Variants in C12orf50 observed in about 807,000 individuals in gnomAD.
The protein encoded by C12orf50 is zinc finger CCCH-type containing 11D, also known as uncharacterized protein C12orf50.
In C12orf50, 35 loss-of-function variants were observed where a neutral mutation model predicts 61.6. That is an observed-to-expected ratio of 0.57 (90% CI 0.43 to 0.75). C12orf50 has a LOEUF of 0.75. Among genes scored for constraint, C12orf50 ranks in the 30% least tolerant of loss-of-function variants. The pLI is 0.00. For missense variants in C12orf50, 475 were observed against 488.5 expected, an observed-to-expected ratio of 0.97 and a Z score of 0.26; for synonymous variants, 178 against 161.5, an observed-to-expected ratio of 1.10 and a Z score of -0.77.
intron 3 of C12orf50, among the ~76,000 whole-genome samples, chr12:88,002,942 A>C (rs1411654250): frequency 6.6e-6 from 1 of 151,800 alleles, no homozygotes; most frequent in African/African-American, 2.4e-5. Flanking sequence ...ATAAGAGGTT[A>C]CTCCTATATA....
At chr12:87,994,937 ATATTCTCC>A (rs1445081767) in intron 6 of C12orf50, among the ~76,000 whole-genome samples, 194 bp from the exon 7 acceptor site, 1 of 152,228 alleles carries the variant, frequency 6.6e-6, no homozygotes, top group African/African-American at 2.4e-5. Flanking sequence ...GTAAGCAAGT[ATATTCTCC>A]TATTTGGATT....
intron 3 of C12orf50, among the ~76,000 whole-genome samples, chr12:88,004,082 T>C (rs1385543602): frequency 6.6e-6 from 1 of 152,132 alleles, no homozygotes; most frequent in Non-Finnish European, 1.5e-5. Flanking sequence ...ATATTGTGTG[T>C]TCAACTCCAA....
At chr12:88,017,260 G>T (rs1214393785) in intron 3 of C12orf50, among the ~76,000 whole-genome samples, 2 of 151,948 alleles carry the variant, frequency 1.3e-5, no homozygotes, top group Non-Finnish European at 2.9e-5. Flanking sequence ...TCTCATGATA[G>T]TGAATAAGTC....
At chr12:88,011,563 A>G (rs564169400) in intron 3 of C12orf50, among the ~76,000 whole-genome samples, 36 of 152,342 alleles carry the variant, frequency 2.4e-4, no homozygotes, top group South Asian at 1.4e-3. Flanking sequence ...TACTATTACT[A>G]TCTCTACCAT....
chr12:87,987,744 A>C (rs1385717571), intron 9 of C12orf50, 106 bp downstream of exon 9: 1 of 760,198 alleles, frequency 1.3e-6, no homozygotes, highest in African/African-American at 1.8e-5. Context: ...AATAATTTTT[A>C]AACCTTTTTT....
chr12:87,987,590 GA>G (rs2030890173), intron 9 of C12orf50, among the ~76,000 whole-genome samples: 1 of 152,028 alleles, frequency 6.6e-6, no homozygotes, highest in Non-Finnish European at 1.5e-5. Context: ...TTATGCTAGT[GA>G]ATCTTCCAAA....
At chr12:88,006,647 C>T (rs2031895910) in intron 3 of C12orf50, among the ~76,000 whole-genome samples, 1 of 152,096 alleles carries the variant, frequency 6.6e-6, no homozygotes, top group African/African-American at 2.4e-5. Flanking sequence ...GCCTGCTGCA[C>T]GTGGGATAGA....
chr12:88,015,676 G>C (rs571354921), intron 3 of C12orf50, among the ~76,000 whole-genome samples: 2 of 152,296 alleles, frequency 1.3e-5, no homozygotes, highest in Admixed American at 6.5e-5. Context: ...AGTACGAACT[G>C]TACTCAGAAA....
chr12:87,993,300 C>CA (rs1426354375), intron 7 of C12orf50, among the ~76,000 whole-genome samples: 1 of 151,850 alleles, frequency 6.6e-6, no homozygotes, highest in Non-Finnish European at 1.5e-5. Flanking sequence ...TTTTATTAAC[C>CA]AAAAAAGCTA....
intron 7 of C12orf50, among the ~76,000 whole-genome samples, chr12:87,990,799 AAAG>A (rs1243543638): frequency 6.6e-6 from 1 of 152,122 alleles, no homozygotes; most frequent in Non-Finnish European, 1.5e-5. Context: ...GGAAATGAAA[AAAG>A]AAGAACAACA....
chr12:88,016,580 A>G (rs1048519000), intron 3 of C12orf50, among the ~76,000 whole-genome samples: 2 of 152,206 alleles, frequency 1.3e-5, no homozygotes, highest in Non-Finnish European at 2.9e-5. Flanking sequence ...CTGGAAATTG[A>G]ATCCTTTTTC....
At chr12:88,005,383 T>A (rs906309319) in intron 3 of C12orf50, among the ~76,000 whole-genome samples, 2 of 152,198 alleles carry the variant, frequency 1.3e-5, no homozygotes, top group African/African-American at 4.8e-5. Flanking sequence ...AACACGGACT[T>A]TAGCAGGGCT....
At chr12:88,022,156 A>G (rs891525685) in intron 3 of C12orf50, among the ~76,000 whole-genome samples, 2 of 151,910 alleles carry the variant, frequency 1.3e-5, no homozygotes, top group Non-Finnish European at 2.9e-5. Context: ...ATGATCAAGT[A>G]TGCCATATCC....
intron 3 of C12orf50, among the ~76,000 whole-genome samples, chr12:88,004,843 G>A (rs762274999): frequency 6.6e-5 from 10 of 152,124 alleles, no homozygotes; most frequent in Non-Finnish European, 1.5e-4. Context: ...AGTACACATG[G>A]ACACAAACAA....
At chr12:88,025,613 C>T (rs1287754017) in intron 3 of C12orf50, among the ~76,000 whole-genome samples, 1 of 152,088 alleles carries the variant, frequency 6.6e-6, no homozygotes, top group African/African-American at 2.4e-5. Context: ...GCGGTGCGTG[C>T]CTGTAGTCCC....
At position 87,983,201 on chromosome 12, in the gene C12orf50, G is replaced by T; in HGVS notation, c.1127-6C>A. 1 of 1,556,308 alleles carries T rather than the reference G, an allele frequency of 6.4e-7. No individual in the cohort carries two copies. ...TGATGTTGACGTATATTTGTCTGAG[G>T]GAAAAAAATCCAGAATTAAATATTT... On this transcript the variant is annotated splice_polypyrimidine_tract_variant and splice_region_variant and intron_variant, in intron 11 of 12. Transcript: ENST00000298699.
rs371924944 is a variant in C12orf50, at chr12:88,005,912, G to GTTT, written c.134-7725_134-7723dup. 1.1e-3 allele frequency among the ~76,000 whole-genome samples: 99 copies of GTTT among 91,036 alleles called. 1 individual carries two copies. The highest frequency in any genetic ancestry group is 2.3e-3 in the African/African-American group (52 of 23,088). The allele number at this position is 91,036 out of a possible 152,430, so 59.7% of individuals were successfully genotyped here. ...AGGACTATGTTTTTTTGTTTTTTTGGTTTTTTTTTTTTTTTTTTTTTTGAG... is the reference window on the plus strand; with the variant it reads ...AGGACTATGTTTTTTTGTTTTTTTGGTTTTTTTTTTTTTTTTTTTTTTTTTGAG... On this transcript the variant is annotated intron_variant, in intron 3 of 12. Coordinates refer to ENST00000298699, the MANE Select transcript of C12orf50 (RefSeq NM_152589.3).
At chr12:88,009,213 C>A (rs1463306085) in intron 3 of C12orf50, among the ~76,000 whole-genome samples, 1 of 152,012 alleles carries the variant, frequency 6.6e-6, no homozygotes, top group South Asian at 2.1e-4. Flanking sequence ...TTTAACTGGA[C>A]AAGATAATGT....
intron 9 of C12orf50, among the ~76,000 whole-genome samples, chr12:87,987,579 G>T (rs553641910): frequency 1.3e-5 from 2 of 152,146 alleles, no homozygotes; most frequent in South Asian, 4.2e-4. Context: ...AATTTAAAAG[G>T]TTATGCTAGT....
Sources: gnomAD v4.1 joint callset for allele counts (sites outside exome capture counted in the v4.1 genomes callset) on GRCh38, gnomAD v4.1.1 for gene constraint, MANE v1.5 for transcripts, NCBI Gene and HGNC (gene_info 2026-07-23, HGNC 2026-07-21) for gene names.